CTBP1: variants seen among roughly 807,000 people sequenced by gnomAD.
CTBP1 encodes C-terminal binding protein 1.
In CTBP1, 11 loss-of-function variants were observed where a neutral mutation model predicts 42.1. The ratio of observed to expected loss-of-function variants is 0.26; its 90% confidence interval spans 0.16 to 0.43. The LOEUF (loss-of-function observed/expected upper bound fraction) is 0.43, where lower values mean the gene tolerates loss of function less well. CTBP1 is among the 20% of genes least tolerant of loss of function. CTBP1 has a pLI of 1.00. For missense variants in CTBP1, 399 were observed against 624.3 expected, an observed-to-expected ratio of 0.64 and a Z score of 3.85; for synonymous variants, 324 against 277.1, an observed-to-expected ratio of 1.17 and a Z score of -1.68.
At chr4:1,214,767 T>C (rs1457855855) in intron 6 of CTBP1, among the ~76,000 whole-genome samples, 1 of 152,200 alleles carries the variant, frequency 6.6e-6, no homozygotes, top group African/African-American at 2.4e-5. Flanking sequence ...GCTCCTGGCT[T>C]GGTCCCCCTG....
rs373388943 is a variant in CTBP1 at position 1,220,896 on chromosome 4, C to A, written c.514+4464G>T. Among the ~76,000 whole-genome samples the A allele has an allele frequency of 7.2e-5, 11 of 152,338 alleles. No homozygotes were observed. In the East Asian group the frequency reaches 1.7e-3, roughly 24 times the overall value. On this transcript the variant is annotated intron_variant, in intron 5 of 9. Transcript: ENST00000382952. Reference sequence around the variant, plus strand: ...AAGAAAACACAGAGAACCTGTTACCCGGATGACCCTGGGGTAAACAGATTC... The same window carrying A: ...AAGAAAACACAGAGAACCTGTTACCAGGATGACCCTGGGGTAAACAGATTC...
intron 1 of CTBP1, chr4:1,245,022 C>T (rs757633005): frequency 8.1e-6 from 8 of 985,464 alleles, no homozygotes; most frequent in Non-Finnish European, 9.6e-6. Context: ...CAGCATGGAG[C>T]CACTGGGCTG....
At chr4:1,225,035 T>C (rs2108747689) in intron 5 of CTBP1, among the ~76,000 whole-genome samples, 1 of 152,148 alleles carries the variant, frequency 6.6e-6, no homozygotes, top group East Asian at 1.9e-4. Flanking sequence ...ATGTGAGTGC[T>C]GTGACGTCCG....
intron 5 of CTBP1, chr4:1,217,227 C>CT (rs1262993094): frequency 6.6e-6 from 1 of 152,272 alleles, no homozygotes; most frequent in Admixed American, 6.5e-5. Flanking sequence ...GGGAAGAGGA[C>CT]TGGGGGAGGC....
chr4:1,244,386 G>A (rs2108802763), intron 1 of CTBP1: 1 of 984,978 alleles, frequency 1.0e-6, no homozygotes, highest in Non-Finnish European at 1.2e-6. Context: ...GTCCCAGGGG[G>A]CACCAAGATG....
chr4:1,229,611 C>A (rs941077380), intron 3 of CTBP1, among the ~76,000 whole-genome samples: 19 of 152,318 alleles, frequency 1.2e-4, no homozygotes, highest in South Asian at 6.2e-4. Context: ...GGATCCCGGG[C>A]GGCAGTGCCT....
At position 1,212,064 on chromosome 4, in the gene CTBP1, C is replaced by A. The variant is rs1018951262; in HGVS notation, c.*176G>T. On this transcript the variant is annotated 3_prime_UTR_variant, in exon 10 of 10. Coordinates refer to ENST00000382952, the MANE Select transcript of CTBP1 (RefSeq NM_001012614.2). Reference sequence around the variant, plus strand: ...CGAAGGACACAGGGCAGAGCGCCCACAGGACGGACGACGACAAGCGACACG... The same window carrying A: ...CGAAGGACACAGGGCAGAGCGCCCAAAGGACGGACGACGACAAGCGACACG... 8.6e-6 allele frequency: 4 copies of A among 463,100 alleles called. No homozygotes were observed. Among genetic ancestry groups the A allele is most frequent in the East Asian group, 3.5e-5 (1 of 28,246 alleles). The allele number at this position is 463,100 out of a possible 1,614,324, so 28.7% of individuals were successfully genotyped here.
intron 4 of CTBP1, among the ~76,000 whole-genome samples, 169 bp from the exon 5 acceptor site, chr4:1,225,735 C>T (rs972444386): frequency 5.3e-5 from 8 of 152,126 alleles, no homozygotes; most frequent in African/African-American, 9.7e-5. Flanking sequence ...GCTCACAGGT[C>T]GGGCGCAACA....
intron 6 of CTBP1, among the ~76,000 whole-genome samples, 174 bp from the exon 7 acceptor site, chr4:1,214,647 C>T (rs1728912283): frequency 6.6e-6 from 1 of 152,246 alleles, no homozygotes. Flanking sequence ...TGCTGCACCG[C>T]GGCCCTGACA....
At chr4:1,225,934 G>T (rs1371032603) in intron 4 of CTBP1, among the ~76,000 whole-genome samples, 1 of 152,016 alleles carries the variant, frequency 6.6e-6, no homozygotes, top group African/African-American at 2.4e-5. Context: ...CCTCTCGGGG[G>T]TACCCTGCTG....
At chr4:1,213,051 GA>G in intron 8 of CTBP1, 21 bp from the exon 9 acceptor site, 1 of 1,608,988 alleles carries the variant, frequency 6.2e-7, no homozygotes, top group Non-Finnish European at 8.5e-7. Context: ...CAGGAGGAAG[GA>G]ACAGCTGTGG....
In CTBP1 at chr4:1,235,386, T is replaced by A. The variant is rs1198767299; in HGVS notation, c.162+2797A>T. ...ATTTTTAACATCAGATTTTCTTCCG[T>A]CCATTTTGGAAAGGGTTTTGCTGTC... On this transcript the variant is annotated intron_variant, in intron 3 of 9. Coordinates refer to ENST00000382952, the MANE Select transcript of CTBP1 (RefSeq NM_001012614.2). The surrounding 1 kb of genome is among the most constrained non-coding windows in gnomAD (Gnocchi z 4.2). 2.0e-5 allele frequency: 3 copies of A among 152,158 alleles called. No homozygotes were observed. The highest frequency in any genetic ancestry group is 4.4e-5 in the Non-Finnish European group (3 of 68,036). 9.4% of individuals were successfully genotyped at this position (152,158 alleles called of 1,614,324 possible).
chr4:1,238,634 G>A lies in CTBP1; in HGVS notation c.8-297C>T, dbSNP rs1731830019. On this transcript the variant is annotated intron_variant, in intron 2 of 9. Transcript: ENST00000382952. The surrounding 1 kb of genome is among the most constrained non-coding windows in gnomAD (Gnocchi z 5.9). ...CCGAGACCCTCCAAGGCCCCTCCGA[G>A]ATCCTCCCAGACCCTCTGAGACCCT... Among the ~76,000 whole-genome samples, 1 of 149,620 alleles carries A rather than the reference G, an allele frequency of 6.7e-6. No homozygotes were observed. Among genetic ancestry groups the A allele is most frequent in the Admixed American group, 6.6e-5 (1 of 15,056 alleles).
rs556513324 is a variant in CTBP1, at chr4:1,233,719, C to T, written c.162+4464G>A. Among the ~76,000 whole-genome samples, 10 of 152,280 alleles carry T rather than the reference C, an allele frequency of 6.6e-5. No individual in the cohort carries two copies. The East Asian group carries it at 7.7e-4, about 12-fold the overall frequency. ...GAACACTGGGGCGCCTCCCAGGCCCCGACATTCTTCCCGCTCCTCCTGTGA... is the reference window on the plus strand; with the variant it reads ...GAACACTGGGGCGCCTCCCAGGCCCTGACATTCTTCCCGCTCCTCCTGTGA... On this transcript the variant is annotated intron_variant, in intron 3 of 9. Coordinates refer to ENST00000382952, the MANE Select transcript of CTBP1 (RefSeq NM_001012614.2). The surrounding 1 kb of genome is among the most constrained non-coding windows in gnomAD (Gnocchi z 4.6).
intron 4 of CTBP1, among the ~76,000 whole-genome samples, chr4:1,225,838 C>T (rs962176931): frequency 9.2e-5 from 14 of 152,016 alleles, no homozygotes; most frequent in African/African-American, 2.9e-4. Flanking sequence ...GGGTGTGAGA[C>T]GCTGCCCTGA....
Position 1,228,350 on chromosome 4 carries a change from C to T in CTBP1, c.163-7G>A, listed in dbSNP as rs1259733990. ...CCACAGCCTCGTTCAGGACCTGCAG[C>T]GAGAAAGCACACAGGCTCAGCCCGG... On this transcript the variant is annotated splice_region_variant and splice_polypyrimidine_tract_variant and intron_variant, in intron 3 of 9. Coordinates refer to ENST00000382952, the MANE Select transcript of CTBP1 (RefSeq NM_001012614.2). 6 of 1,611,576 alleles carry T rather than the reference C, an allele frequency of 3.7e-6. No homozygotes were observed. Among genetic ancestry groups the T allele is most frequent in the Non-Finnish European group, 5.1e-6 (6 of 1,178,294 alleles).
intron 5 of CTBP1, chr4:1,216,658 G>A (rs1477214203): frequency 4.5e-6 from 1 of 224,648 alleles, no homozygotes; most frequent in Non-Finnish European, 9.0e-6. Flanking sequence ...GGCAAAGGGG[G>A]CAGGAGGGAA....
In CTBP1 at chr4:1,245,454, A is replaced by G. The variant is rs1478097942; in HGVS notation, c.-189+3462T>C. The G allele has an allele frequency of 6.1e-6, 6 of 985,310 alleles. No homozygotes were observed. In the East Asian group the frequency reaches 4.5e-4, roughly 75 times the overall value. 61.0% of individuals were successfully genotyped at this position (985,310 alleles called of 1,614,324 possible). On this transcript the variant is annotated intron_variant, in intron 1 of 9. Transcript: ENST00000382952. Reference sequence around the variant, plus strand: ...CTTCCCAACACAGTCTACACACGACACCACTGGAGAGACAGCCTCGGATGC... The same window carrying G: ...CTTCCCAACACAGTCTACACACGACGCCACTGGAGAGACAGCCTCGGATGC...
chr4:1,243,319 A>C (rs561275354), intron 1 of CTBP1: 1 of 985,394 alleles, frequency 1.0e-6, no homozygotes, highest in Non-Finnish European at 1.2e-6. Flanking sequence ...TGCAGTGAGG[A>C]GGCCGTGAGC....
Sources: gnomAD v4.1 joint callset for allele counts (sites outside exome capture counted in the v4.1 genomes callset) on GRCh38, gnomAD v4.1.1 for gene constraint, Gnocchi (gnomAD v3.1) non-coding constraint, MANE v1.5 for transcripts, NCBI Gene and HGNC (gene_info 2026-07-23, HGNC 2026-07-21) for gene names.